Variants in ARRB1 observed in about 807,000 individuals in gnomAD.
The protein encoded by ARRB1 is beta-arrestin-1.
In ARRB1, 21 loss-of-function variants were observed where a neutral mutation model predicts 56.8. The ratio of observed to expected loss-of-function variants is 0.37; its 90% CI spans 0.26 to 0.53. The LOEUF (loss-of-function observed/expected upper bound fraction) is 0.53. Among genes scored for constraint, ARRB1 ranks in the 20% least tolerant of loss-of-function variants. The probability of loss-of-function intolerance (pLI) is 0.88; values close to 1 mark genes in which losing one functional copy is unlikely to be tolerated. For synonymous variants in ARRB1, 210 were observed against 218.6 expected (o/e 0.96, Z 0.35); for missense variants, 424 against 553.7 (o/e 0.77, Z 2.35).
intron 1 of ARRB1, chr11:75,312,266 T>C: frequency 1.3e-6 from 1 of 768,250 alleles, no homozygotes; most frequent in Non-Finnish European, 1.9e-6. Flanking sequence ...TGGGAAGGAG[T>C]GGGAGAAGAG....
chr11:75,320,565 CAGCTCTG>C (rs1565138328), intron 1 of ARRB1, among the ~76,000 whole-genome samples: 1 of 152,178 alleles, frequency 6.6e-6, no homozygotes, highest in South Asian at 2.1e-4. Context: ...AGGGCCTGCT[CAGCTCTG>C]TTCCCGCAAG....
chr11:75,302,440 A>G (rs1160727363), intron 1 of ARRB1, among the ~76,000 whole-genome samples: 2 of 152,254 alleles, frequency 1.3e-5, no homozygotes, highest in Admixed American at 1.3e-4. Flanking sequence ...AGATCTGAAA[A>G]TCAAGGGCTA....
intron 10 of ARRB1, among the ~76,000 whole-genome samples, chr11:75,275,757 A>G (rs946432554): frequency 2.6e-5 from 4 of 152,138 alleles, no homozygotes; most frequent in Non-Finnish European, 4.4e-5. Flanking sequence ...CCTCCTCTAC[A>G]TACTGGGGCA....
intron 1 of ARRB1, among the ~76,000 whole-genome samples, chr11:75,339,985 G>GGCA (rs1345066971): frequency 6.6e-6 from 1 of 152,190 alleles, no homozygotes; most frequent in Admixed American, 6.5e-5. Context: ...TTCGGAGAAA[G>GGCA]GGCAGCCTCA....
chr11:75,325,674 T>C (rs1947419845), intron 1 of ARRB1, among the ~76,000 whole-genome samples: 1 of 152,134 alleles, frequency 6.6e-6, no homozygotes. Flanking sequence ...TTTAAGCCCA[T>C]CCAAAATATA....
chr11:75,300,154 G>T (rs1007973486), intron 1 of ARRB1, among the ~76,000 whole-genome samples: 3 of 139,916 alleles, frequency 2.1e-5, no homozygotes, highest in African/African-American at 8.1e-5. Flanking sequence ...AGTGAGCTGA[G>T]ATTGCACCAC....
chr11:75,269,530 T>G (rs1378235705), intron 13 of ARRB1, among the ~76,000 whole-genome samples: 1 of 152,216 alleles, frequency 6.6e-6, no homozygotes, highest in Non-Finnish European at 1.5e-5. Flanking sequence ...CTGATTACAC[T>G]GTGGGGATGC....
At chr11:75,315,087 G>A (rs1009723595) in intron 1 of ARRB1, among the ~76,000 whole-genome samples, 1 of 152,290 alleles carries the variant, frequency 6.6e-6, no homozygotes, top group South Asian at 2.1e-4. Flanking sequence ...CTGCGGGATG[G>A]GGGAGATCAC....
intron 3 of ARRB1, 100 bp downstream of exon 3, chr11:75,287,215 T>C (rs965430898): frequency 3.6e-5 from 46 of 1,285,974 alleles, no homozygotes; most frequent in Admixed American, 4.9e-5. Context: ...TTCACCCCCG[T>C]TCTTGGCACC....
At chr11:75,337,786 C>CTTTT (rs71036046) in intron 1 of ARRB1, among the ~76,000 whole-genome samples, 35 of 38,496 alleles carry the variant, frequency 9.1e-4, no homozygotes, top group Non-Finnish European at 1.0e-3. Flanking sequence ...ATTGAAATGT[C>CTTTT]TTTTTTTTTT....
Position 75,276,896 on chromosome 11 carries a change from T to A in ARRB1, c.719A>T (p.Asp240Val). Residue 240 changes from aspartate (D) to valine (V), a missense_variant, in exon 10 of 16, where the codon GAC becomes GTC. Asp to Val is a radical substitution (Grantham distance 152). Around this residue, in one of 3 missense-constraint regions of ARRB1, gnomAD observed 301 missense variants for 387.9 expected, o/e 0.78. Coordinates refer to ENST00000420843, the MANE Select transcript of ARRB1 (RefSeq NM_004041.5). Reference sequence around the variant, plus strand: ...CTGAGCTGTGTTGAAAAGGCAGATGTCTGCATACTGGCGCACTAGGGAGGG... The same window carrying A: ...CTGAGCTGTGTTGAAAAGGCAGATGACTGCATACTGGCGCACTAGGGAGGG... ...KIKISVRQYA[D>V]ICLFNTAQYK... 6.2e-7 allele frequency: 1 copy of A among 1,614,198 alleles called. No homozygotes were observed. The highest frequency in any genetic ancestry group is 8.5e-7 in the Non-Finnish European group (1 of 1,180,010).
At chr11:75,320,643 C>T (rs546857930) in intron 1 of ARRB1, among the ~76,000 whole-genome samples, 2 of 152,284 alleles carry the variant, frequency 1.3e-5, no homozygotes, top group East Asian at 1.9e-4. Context: ...ATTCCTCCTT[C>T]GAGACCCCAC....
chr11:75,317,723 C>T (rs1036323830), intron 1 of ARRB1, among the ~76,000 whole-genome samples: 1 of 152,208 alleles, frequency 6.6e-6, no homozygotes, highest in African/African-American at 2.4e-5. Flanking sequence ...CTCGCCTGTG[C>T]CAGGCCCTGT....
chr11:75,277,503 A>G, intron 8 of ARRB1, 55 bp from the exon 9 acceptor site: 1 of 1,515,190 alleles, frequency 6.6e-7, no homozygotes, highest in Middle Eastern at 1.7e-4. Flanking sequence ...GGTTCTAGGG[A>G]AAGGGGAGGG....
chr11:75,333,396 CAGGGTGTATTGA>C (rs1313875713), intron 1 of ARRB1, among the ~76,000 whole-genome samples: 7 of 152,312 alleles, frequency 4.6e-5, no homozygotes, highest in Non-Finnish European at 8.8e-5. Flanking sequence ...CCAACCAGTT[CAGGGTGTATTGA>C]AGGCATTGTG....
At chr11:75,281,462 G>A (rs539030303) in intron 6 of ARRB1, among the ~76,000 whole-genome samples, 6 of 152,304 alleles carry the variant, frequency 3.9e-5, no homozygotes, top group South Asian at 4.1e-4. Context: ...CAGACTGGGG[G>A]CGCCTACTAC....
chr11:75,351,084 C>T (rs1052215659), intron 1 of ARRB1, among the ~76,000 whole-genome samples: 2 of 152,094 alleles, frequency 1.3e-5, no homozygotes, highest in Non-Finnish European at 2.9e-5. Flanking sequence ...CAGTGTATGC[C>T]CACACGTGTG....
chr11:75,293,298 G>A (rs1430403101), intron 1 of ARRB1, among the ~76,000 whole-genome samples: 1 of 152,128 alleles, frequency 6.6e-6, no homozygotes, highest in Non-Finnish European at 1.5e-5. Context: ...TTTCAGAGAT[G>A]AGGAAATTGA....
intron 12 of ARRB1, 36 bp from the exon 13 acceptor site, chr11:75,271,760 G>A (rs1332549531): frequency 6.4e-7 from 1 of 1,560,840 alleles, no homozygotes; most frequent in Non-Finnish European, 8.7e-7. Flanking sequence ...AAGTGGTCAG[G>A]AGAGAGTTCA....
Sources: allele counts gnomAD v4.1 joint callset (sites outside exome capture counted in the v4.1 genomes callset), GRCh38; gene constraint gnomAD v4.1.1; regional missense constraint gnomAD v4.1.1; transcripts MANE v1.5; gene names NCBI Gene and HGNC (gene_info 2026-07-23, HGNC 2026-07-21).